The following APP variants were observed in gnomAD, a reference collection of about 807,000 sequenced individuals.
The protein encoded by APP is amyloid-beta precursor protein.
APP carries 31 observed loss-of-function variants against 101.4 expected under a neutral mutation model. The ratio of observed to expected loss-of-function variants is 0.31; its 90% CI spans 0.23 to 0.41. The LOEUF is 0.41. APP is among the 10% of genes least tolerant of loss of function. The pLI is 1.00. For synonymous variants in APP, 366 were observed against 364.4 expected (o/e 1.00, Z -0.05); for missense variants, 839 against 1,003.7 (o/e 0.84, Z 2.22).
At chr21:26,031,196 T>C (rs1386405175) in intron 5 of APP, among the ~76,000 whole-genome samples, 1 of 152,194 alleles carries the variant, frequency 6.6e-6, no homozygotes, top group East Asian at 1.9e-4. Flanking sequence ...TTCCACTGTG[T>C]CCATACACAT....
intron 1 of APP, among the ~76,000 whole-genome samples, chr21:26,146,351 A>G (rs567509380): frequency 6.6e-6 from 1 of 152,370 alleles, no homozygotes; most frequent in African/African-American, 2.4e-5. Context: ...TGAAAATGCC[A>G]ATCTGGCAAG....
intron 11 of APP, among the ~76,000 whole-genome samples, chr21:25,974,552 G>A (rs1418529796): frequency 6.6e-6 from 1 of 152,124 alleles, no homozygotes; most frequent in Non-Finnish European, 1.5e-5. Context: ...ATAAATAAAA[G>A]ATAAACAAAA....
intron 3 of APP, among the ~76,000 whole-genome samples, chr21:26,085,639 G>A (rs1293261476): frequency 6.6e-6 from 1 of 152,140 alleles, no homozygotes; most frequent in Non-Finnish European, 1.5e-5. Context: ...TTGTACTGAT[G>A]TGTCTCAAGA....
intron 3 of APP, among the ~76,000 whole-genome samples, chr21:26,065,204 C>T (rs1568930888): frequency 2.0e-5 from 3 of 152,154 alleles, no homozygotes. Context: ...ACCTGCCACA[C>T]AGGATCATTG....
chr21:25,925,774 A>G (rs936899273), intron 13 of APP, among the ~76,000 whole-genome samples: 5 of 152,110 alleles, frequency 3.3e-5, no homozygotes, highest in Non-Finnish European at 7.4e-5. Flanking sequence ...TCTCTACTAA[A>G]AAAATACAAA....
intron 9 of APP, among the ~76,000 whole-genome samples, chr21:25,977,184 T>C (rs1201081026): frequency 1.3e-5 from 2 of 152,186 alleles, no homozygotes; most frequent in African/African-American, 4.8e-5. Flanking sequence ...AGTTCACTCA[T>C]TAACCTGATA....
At chr21:25,885,188 T>C (rs1569003609) in intron 17 of APP, among the ~76,000 whole-genome samples, 1 of 152,200 alleles carries the variant, frequency 6.6e-6, no homozygotes, top group Non-Finnish European at 1.5e-5. Flanking sequence ...TCCAGCCCCT[T>C]GAAAGCTAGA....
At chr21:25,940,479 A>T (rs145751976) in intron 13 of APP, among the ~76,000 whole-genome samples, 38 of 152,342 alleles carry the variant, frequency 2.5e-4, no homozygotes, top group African/African-American at 8.4e-4. Context: ...ACAGATTTTT[A>T]AAAAACTACC....
At position 25,901,522 on chromosome 21, in the gene APP, T is replaced by C. The variant is rs534593051; in HGVS notation, c.1963+3502A>G. ...ATAGTTCATGTTTGTTTAGCATGAATAGTCATCTAGGGAAGACTTTTTACA... is the reference window on the plus strand; with the variant it reads ...ATAGTTCATGTTTGTTTAGCATGAACAGTCATCTAGGGAAGACTTTTTACA... On this transcript the variant is annotated intron_variant, in intron 15 of 17. Transcript: ENST00000346798. Among the ~76,000 whole-genome samples the C allele has an allele frequency of 3.3e-5, 5 of 152,326 alleles. No homozygotes were observed. The South Asian group carries it at 8.3e-4, about 25-fold the overall frequency.
chr21:26,111,588 ATCAG>A (rs1025668348), intron 2 of APP, among the ~76,000 whole-genome samples: 1 of 151,966 alleles, frequency 6.6e-6, no homozygotes, highest in Non-Finnish European at 1.5e-5. Flanking sequence ...ATTAAAAAAA[ATCAG>A]TCAGGCCTGG....
At chr21:26,104,456 G>T (rs2062135724) in intron 2 of APP, among the ~76,000 whole-genome samples, 1 of 152,146 alleles carries the variant, frequency 6.6e-6, no homozygotes, top group Admixed American at 6.5e-5. Flanking sequence ...CAAAGAATTT[G>T]GAAGACTTGG....
At chr21:25,961,285 T>C (rs1472917665) in intron 11 of APP, among the ~76,000 whole-genome samples, 1 of 152,232 alleles carries the variant, frequency 6.6e-6, no homozygotes, top group Non-Finnish European at 1.5e-5. Context: ...TGATGCCTCA[T>C]GTCTCCCTAA....
intron 13 of APP, among the ~76,000 whole-genome samples, chr21:25,914,694 C>T (rs1398303639): frequency 1.3e-5 from 2 of 151,980 alleles, no homozygotes; most frequent in Non-Finnish European, 1.5e-5. Context: ...GCTGGGACTA[C>T]AGGCGCCCGC....
intron 5 of APP, among the ~76,000 whole-genome samples, chr21:26,034,638 C>CAAAAAA (rs201287871): frequency 1.8e-4 from 3 of 17,074 alleles, no homozygotes; most frequent in African/African-American, 2.3e-4. Flanking sequence ...CAAGACTTCT[C>CAAAAAA]AAAAAAAAAA....
chr21:25,896,383 T>C (rs1409457136), intron 16 of APP, among the ~76,000 whole-genome samples: 3 of 151,902 alleles, frequency 2.0e-5, no homozygotes, highest in Non-Finnish European at 4.4e-5. Flanking sequence ...TTATGAATAT[T>C]GAAAAGACAT....
chr21:25,988,491 C>T (rs543603953), intron 8 of APP, among the ~76,000 whole-genome samples: 3 of 152,046 alleles, frequency 2.0e-5, no homozygotes, highest in African/African-American at 7.2e-5. Flanking sequence ...CACCTGAGGT[C>T]AGGAGTTTGA....
chr21:26,080,174 A>AT (rs1568947842), intron 3 of APP, among the ~76,000 whole-genome samples: 2 of 152,172 alleles, frequency 1.3e-5, no homozygotes, highest in East Asian at 3.9e-4. Context: ...TTAACACAAA[A>AT]TATGTTTAGC....
intron 8 of APP, among the ~76,000 whole-genome samples, chr21:25,989,016 G>A (rs968042583): frequency 2.4e-4 from 36 of 152,228 alleles, no homozygotes; most frequent in Admixed American, 2.4e-3. Context: ...AGTAACACAG[G>A]TTAGCTTTCA....
intron 1 of APP, among the ~76,000 whole-genome samples, chr21:26,167,972 G>C (rs1170686905): frequency 6.6e-6 from 1 of 152,060 alleles, no homozygotes; most frequent in Non-Finnish European, 1.5e-5. Flanking sequence ...CCTTTAGCGA[G>C]GTACTAGTCA....
Sources: gnomAD v4.1 joint callset for allele counts (sites outside exome capture counted in the v4.1 genomes callset) on GRCh38, gnomAD v4.1.1 for gene constraint, MANE v1.5 for transcripts, NCBI Gene and HGNC (gene_info 2026-07-23, HGNC 2026-07-21) for gene names.